The following GAB4 variants were observed in gnomAD, a reference collection of about 807,000 sequenced individuals.
GAB4 encodes the protein GRB2-associated-binding protein 4.
In GAB4, 26 loss-of-function variants were observed where a neutral mutation model predicts 51.3. The observed-to-expected ratio is 0.51, with a 90% CI of 0.37 to 0.70. GAB4 has a LOEUF of 0.70. GAB4 is among the 30% of genes least tolerant of loss of function. The pLI, the probability that GAB4 is intolerant of heterozygous loss-of-function variation, is 0.00. For missense variants in GAB4, 759 were observed against 734.6 expected (o/e 1.03, Z -0.38); for synonymous variants, 329 against 291.2 (o/e 1.13, Z -1.32).
intron 3 of GAB4, among the ~76,000 whole-genome samples, chr22:16,971,349 C>A (rs1316775384): frequency 6.6e-6 from 1 of 152,188 alleles, no homozygotes; most frequent in Non-Finnish European, 1.5e-5. Context: ...AGACACGACC[C>A]AGCGTCACAG....
At chr22:16,978,224 A>G (rs1309663968) in intron 3 of GAB4, among the ~76,000 whole-genome samples, 2 of 152,238 alleles carry the variant, frequency 1.3e-5, no homozygotes, top group Admixed American at 6.5e-5. Context: ...AAACCTTCAA[A>G]AAATCGATGA....
chr22:17,008,116 G>T lies in GAB4; in HGVS notation c.-2C>A. 2 of 1,598,078 alleles carry T rather than the reference G, an allele frequency of 1.3e-6. No homozygotes were observed. The highest frequency in any genetic ancestry group is 1.7e-6 in the Non-Finnish European group (2 of 1,170,862). On this transcript the variant is annotated 5_prime_UTR_variant, in exon 1 of 10. Coordinates refer to ENST00000400588, the MANE Select transcript of GAB4 (RefSeq NM_001037814.1). ...GGGTGAGGGGGACGGCAGGGACATG[G>T]GGGCTGCAGCTCACAGTGAAGGTGG...
chr22:16,966,088 G>C lies in GAB4; in HGVS notation c.1288+12C>G. 6.2e-7 allele frequency: 1 copy of C among 1,612,810 alleles called. No homozygotes were observed. The highest frequency in any genetic ancestry group is 1.3e-5 in the African/African-American group (1 of 75,030). On this transcript the variant is annotated intron_variant, in intron 6 of 9. Coordinates refer to ENST00000400588, the MANE Select transcript of GAB4 (RefSeq NM_001037814.1). Reference sequence around the variant, plus strand: ...TGGACATTGTCAAGAAATAGAATGGGGAAAGACTTACCCTTCTGGTTAGGC... The same window carrying C: ...TGGACATTGTCAAGAAATAGAATGGCGAAAGACTTACCCTTCTGGTTAGGC...
intron 3 of GAB4, among the ~76,000 whole-genome samples, chr22:16,986,324 A>T (rs1239643070): frequency 2.0e-5 from 3 of 152,228 alleles, no homozygotes; most frequent in Non-Finnish European, 2.9e-5. Context: ...GAAAGTATGA[A>T]GGGCACCAAC....
intron 3 of GAB4, among the ~76,000 whole-genome samples, chr22:16,984,218 G>A (rs2080094): frequency 0.35 from 53,085 of 151,924 alleles, 9,610 homozygotes; most frequent in South Asian, 0.46. Flanking sequence ...AACATCACTA[G>A]TCATTACGAA....
At chr22:17,004,582 A>G (rs1429613039) in intron 1 of GAB4, among the ~76,000 whole-genome samples, 1 of 152,238 alleles carries the variant, frequency 6.6e-6, no homozygotes, top group Non-Finnish European at 1.5e-5. Context: ...AAACCACATG[A>G]TTATCTCAAT....
At chr22:16,975,616 T>C (rs2060771052) in intron 3 of GAB4, among the ~76,000 whole-genome samples, 1 of 152,214 alleles carries the variant, frequency 6.6e-6, no homozygotes, top group Non-Finnish European at 1.5e-5. Flanking sequence ...TGCCTGTGGC[T>C]CTGAAGAAAG....
intron 2 of GAB4, among the ~76,000 whole-genome samples, chr22:16,988,689 C>T (rs1240943604): frequency 1.3e-5 from 2 of 152,324 alleles, no homozygotes; most frequent in South Asian, 2.1e-4. Flanking sequence ...TACTTTGCTG[C>T]ACCCCAAGCC....
chr22:16,993,796 C>G (rs750856914), intron 1 of GAB4, among the ~76,000 whole-genome samples: 2 of 152,214 alleles, frequency 1.3e-5, no homozygotes, highest in Admixed American at 6.5e-5. Context: ...AAACCTCCAA[C>G]ACCCTTATTT....
intron 8 of GAB4, 48 bp downstream of exon 8, chr22:16,964,718 T>C (rs2060657363): frequency 3.0e-6 from 4 of 1,353,916 alleles, no homozygotes; most frequent in Non-Finnish European, 3.2e-6. Flanking sequence ...TGAGTGTGGG[T>C]CCCAGGGGAC....
At chr22:16,990,131 T>C (rs1460063114) in intron 2 of GAB4, among the ~76,000 whole-genome samples, 1 of 152,234 alleles carries the variant, frequency 6.6e-6, no homozygotes, top group African/African-American at 2.4e-5. Flanking sequence ...CTTATGGCAT[T>C]GCTCACAGAA....
intron 7 of GAB4, 44 bp downstream of exon 7, chr22:16,965,134 A>C: frequency 6.8e-7 from 1 of 1,460,738 alleles, no homozygotes; most frequent in African/African-American, 1.4e-5. Flanking sequence ...TCACTCCTCC[A>C]CCGGCCCGGT....
chr22:16,996,111 T>C (rs1195236353), intron 1 of GAB4, among the ~76,000 whole-genome samples: 2 of 151,698 alleles, frequency 1.3e-5, no homozygotes, highest in African/African-American at 4.8e-5. Context: ...GAGAAGAACA[T>C]AAATGACTTC....
chr22:16,973,962 C>A (rs908818329), intron 3 of GAB4, among the ~76,000 whole-genome samples: 20 of 152,350 alleles, frequency 1.3e-4, no homozygotes, highest in African/African-American at 4.8e-4. Context: ...GTAGATGACA[C>A]TGATGCATTT....
Position 16,965,376 on chromosome 22 carries a change from T to G in GAB4, c.1289-108A>C, listed in dbSNP as rs920832245. On this transcript the variant is annotated intron_variant, in intron 6 of 9. Coordinates refer to ENST00000400588, the MANE Select transcript of GAB4 (RefSeq NM_001037814.1). The stretch of plus-strand genomic sequence containing the variant: ...AGAAAGGCCCACCCCGTCCACCCAG[T>G]CCACCCAGCTGTGTGCGGGGGACTG... 2.1e-5 allele frequency: 17 copies of G among 801,880 alleles called. No homozygotes were observed. In the Admixed American group the frequency reaches 3.0e-4, roughly 14 times the overall value. The allele number at this position is 801,880 out of a possible 1,614,324, so 49.7% of individuals were successfully genotyped here. A position where few individuals can be genotyped will look rare whatever the true frequency, so the allele number is the denominator to read the frequency against.
chr22:17,000,165 C>A (rs1049089212), intron 1 of GAB4, among the ~76,000 whole-genome samples: 3 of 152,060 alleles, frequency 2.0e-5, no homozygotes, highest in Non-Finnish European at 4.4e-5. Context: ...GTCTGCTTGG[C>A]GTAGAGCTGA....
At chr22:16,984,414 G>C (rs1205310837) in intron 3 of GAB4, among the ~76,000 whole-genome samples, 4 of 152,152 alleles carry the variant, frequency 2.6e-5, no homozygotes, top group Non-Finnish European at 4.4e-5. Context: ...ACTAAAACTA[G>C]AACTACCATA....
intron 3 of GAB4, among the ~76,000 whole-genome samples, chr22:16,983,934 A>G (rs780480697): frequency 6.6e-5 from 10 of 152,338 alleles, no homozygotes; most frequent in East Asian, 1.9e-4. Flanking sequence ...CAGGTAATCA[A>G]AGCAAAAACT....
chr22:16,963,905 G>GCT, intron 8 of GAB4, 76 bp from the exon 9 acceptor site: 3 of 1,138,928 alleles, frequency 2.6e-6, no homozygotes, highest in Non-Finnish European at 3.9e-6. Context: ...ACACCTGTGG[G>GCT]CGTAGCTACG....
Sources: gnomAD v4.1 joint callset for allele counts (sites outside exome capture counted in the v4.1 genomes callset) on GRCh38, gnomAD v4.1.1 for gene constraint, MANE v1.5 for transcripts, NCBI Gene and HGNC (gene_info 2026-07-23, HGNC 2026-07-21) for gene names.